COL1A2: variants seen among roughly 807,000 people sequenced by gnomAD.
COL1A2 encodes the protein collagen alpha-2(I) chain.
Under a neutral mutation model 174.3 loss-of-function variants are expected in COL1A2, and 49 were observed. That is an observed-to-expected ratio of 0.28 (90% CI 0.22 to 0.36). COL1A2 has a LOEUF of 0.36. COL1A2 is among the 10% of genes least tolerant of loss of function. COL1A2 has a pLI of 1.00. For synonymous variants in COL1A2, 655 were observed against 606.6 expected (o/e 1.08, Z -1.17); for missense variants, 1,438 against 1,822.7 (o/e 0.79, Z 3.84).
intron 47 of COL1A2, 61 bp from the exon 48 acceptor site, chr7:94,427,127 G>A (rs1376132327): frequency 1.2e-6 from 2 of 1,610,404 alleles, no homozygotes; most frequent in Non-Finnish European, 1.7e-6. Flanking sequence ...GTGAGCCCCA[G>A]GCTGCTGCTC....
At chr7:94,395,137 A>G (rs1213659477) in intron 1 of COL1A2, 36 bp downstream of exon 1, 3 of 1,586,074 alleles carry the variant, frequency 1.9e-6, no homozygotes, top group Middle Eastern at 1.7e-4. Flanking sequence ...GAGACTGGGT[A>G]GAGAGGTTAG....
rs182265935 is a variant in COL1A2 at position 94,424,664 on chromosome 7, T to C, written c.2673+221T>C. 1.9e-4 allele frequency: 106 copies of C among 556,284 alleles called. 1 individual carries two copies. Among genetic ancestry groups the C allele is most frequent in the African/African-American group, 1.6e-3 (87 of 52,954 alleles). 34.5% of individuals were successfully genotyped at this position (556,284 alleles called of 1,614,324 possible). A position where few individuals can be genotyped will look rare whatever the true frequency, so the allele number is the denominator to read the frequency against. On this transcript the variant is annotated intron_variant, in intron 41 of 51. Transcript: ENST00000297268. ...AGCTTAAAATTATGCAGAATGATTT[T>C]TGTTCTTTCCACGCACTTAGGAATG...
intron 40 of COL1A2, chr7:94,424,131 G>C: frequency 1.8e-6 from 1 of 554,954 alleles, no homozygotes; most frequent in African/African-American, 1.9e-5. Flanking sequence ...TTGGTCTCAA[G>C]GATGAATCAG....
chr7:94,428,047 A>C (rs891896867), intron 49 of COL1A2, among the ~76,000 whole-genome samples, 162 bp downstream of exon 49: 2 of 152,136 alleles, frequency 1.3e-5, no homozygotes, highest in Non-Finnish European at 2.9e-5. Flanking sequence ...CCAGCACCCA[A>C]CCTCATTTCC....
chr7:94,402,620 A>C (rs763079667), intron 6 of COL1A2, among the ~76,000 whole-genome samples: 1 of 152,144 alleles, frequency 6.6e-6, no homozygotes, highest in Non-Finnish European at 1.5e-5. Flanking sequence ...GTATACTAGC[A>C]TATATGAAAT....
Position 94,397,740 on chromosome 7 carries a change from T to TC in COL1A2, c.71-8_71-7insC. The TC allele has an allele frequency of 1.5e-6, 2 of 1,301,072 alleles. No homozygotes were observed. Among genetic ancestry groups the TC allele is most frequent in the Non-Finnish European group, 1.1e-6 (1 of 906,044 alleles). The allele number at this position is 1,301,072 out of a possible 1,614,324, so 80.6% of individuals were successfully genotyped here. A position where few individuals can be genotyped will look rare whatever the true frequency, so the allele number is the denominator to read the frequency against. On this transcript the variant is annotated splice_polypyrimidine_tract_variant and splice_region_variant and intron_variant, in intron 1 of 51. Coordinates refer to ENST00000297268, the MANE Select transcript of COL1A2 (RefSeq NM_000089.4). The stretch of plus-strand genomic sequence containing the variant: ...TTGTTTCCTACTTTTTCTTTTTTTT[T>TC]TCTACAGCTTTACAAGAGGTGAGTA...
intron 41 of COL1A2, 139 bp from the exon 42 acceptor site, chr7:94,424,978 T>G (rs1020472561): frequency 2.7e-6 from 2 of 739,354 alleles, no homozygotes; most frequent in African/African-American, 3.5e-5. Flanking sequence ...ATGATACTTC[T>G]TACCATTGTG....
In COL1A2 at chr7:94,427,728, C is replaced by T. The variant is rs1274009584; in HGVS notation, c.3369C>T (p.Arg1123=). The stretch of plus-strand genomic sequence containing the variant: ...ACTTCTACAGGGCTGACCAGCCTCG[C>T]TCAGCACCTTCTCTCAGACCCAAGG... ...DGDFYRADQP[R]SAPSLRPKDY... Residue 1123 remains arginine (R), a synonymous_variant, in exon 49 of 52, where the codon CGC becomes CGT. Transcript: ENST00000297268. 9 of 1,614,098 alleles carry T rather than the reference C, an allele frequency of 5.6e-6. No homozygotes were observed. Among genetic ancestry groups the T allele is most frequent in the East Asian group, 2.2e-5 (1 of 44,864 alleles).
In COL1A2 at chr7:94,425,827, T is replaced by C. The variant is rs2115952533; in HGVS notation, c.2913T>C (p.Pro971=). 1 of 1,612,384 alleles carries C rather than the reference T, an allele frequency of 6.2e-7. No homozygotes were observed. Among genetic ancestry groups the C allele is most frequent in the Non-Finnish European group, 8.5e-7 (1 of 1,179,260 alleles). Residue 971 remains proline (P), a synonymous_variant, in exon 44 of 52, where the codon CCT becomes CCC. Coordinates refer to ENST00000297268, the MANE Select transcript of COL1A2 (RefSeq NM_000089.4). ...CTGGTCCTCATGGCCCCGTGGGTCC[T>C]GCTGGCAAACATGGAAACCGTGGTG... ...GAPGPHGPVG[P]AGKHGNRGET...
In COL1A2 at chr7:94,405,729, G is replaced by A. The variant is rs1391323696; in HGVS notation, c.540+3G>A. 1.2e-6 allele frequency: 2 copies of A among 1,611,896 alleles called. No individual in the cohort carries two copies. The highest frequency in any genetic ancestry group is 3.3e-5 in the Admixed American group (2 of 59,992). On this transcript the variant is annotated splice_donor_region_variant and intron_variant, in intron 11 of 51. Transcript: ENST00000297268. ...TTCCTGGCTTCAAAGGCATTAGGGT[G>A]AGCACATTCTTTACTCAGAAGAGAG... is the stretch of plus-strand genomic sequence containing the variant.
chr7:94,399,209 G>A, intron 4 of COL1A2, 125 bp downstream of exon 4: 1 of 803,666 alleles, frequency 1.2e-6, no homozygotes, highest in Non-Finnish European at 2.1e-6. Flanking sequence ...CCTTTAAACA[G>A]GTAATGCACT....
In COL1A2 at chr7:94,413,648, G is replaced by T. The variant is rs373917006; in HGVS notation, c.1558-42G>T. 8 of 1,591,412 alleles carry T rather than the reference G, an allele frequency of 5.0e-6. No individual in the cohort carries two copies. In the African/African-American group the frequency reaches 1.1e-4, roughly 21 times the overall value. On this transcript the variant is annotated intron_variant, in intron 26 of 51. Transcript: ENST00000297268. ...GGCTTTGAGACATCTTAAACTACCT[G>T]GCTTGCAGCTAACCATCAGCCTTTC...
In COL1A2 at chr7:94,423,610, T is replaced by C. The variant is rs1166569303; in HGVS notation, c.2565+492T>C. On this transcript the variant is annotated intron_variant, in intron 40 of 51. Transcript: ENST00000297268. ...TTTGTTTTTGTTTTTGTTTTTTTGT[T>C]TTGGGATGGAGTTCCCCTCTGTTGC... The C allele has an allele frequency of 3.4e-5, 6 of 177,920 alleles. No homozygotes were observed. In the East Asian group the frequency reaches 9.1e-4, roughly 27 times the overall value. The allele number at this position is 177,920 out of a possible 1,614,324, so 11.0% of individuals were successfully genotyped here.
intron 30 of COL1A2, among the ~76,000 whole-genome samples, chr7:94,415,541 C>T (rs1483944390): frequency 2.0e-5 from 3 of 152,056 alleles, no homozygotes; most frequent in Non-Finnish European, 2.9e-5. Context: ...AACTATGCTA[C>T]ATTTGTGACA....
chr7:94,414,783 A>C (rs776432317), intron 29 of COL1A2, among the ~76,000 whole-genome samples: 29 of 152,216 alleles, frequency 1.9e-4, no homozygotes, highest in Non-Finnish European at 1.2e-4. Context: ...CAACAGTAGG[A>C]CATATTAAGG....
Position 94,420,156 on chromosome 7 carries a change from A to G in COL1A2, c.2080-77A>G, listed in dbSNP as rs1792126438. ...CAACTACAGACTCTGTCTGTCCACCACTGTTCTCTCTCCCTCCCAGTTCTT... is the reference window on the plus strand; with the variant it reads ...CAACTACAGACTCTGTCTGTCCACCGCTGTTCTCTCTCCCTCCCAGTTCTT... On this transcript the variant is annotated intron_variant, in intron 34 of 51. Transcript: ENST00000297268. The G allele has an allele frequency of 1.9e-6, 3 of 1,584,994 alleles. No homozygotes were observed. The Admixed American group carries it at 5.0e-5, about 26-fold the overall frequency.
intron 4 of COL1A2, 25 bp from the exon 5 acceptor site, chr7:94,400,171 A>G (rs770491939): frequency 1.2e-6 from 2 of 1,610,684 alleles, no homozygotes; most frequent in Non-Finnish European, 1.7e-6. Flanking sequence ...GTCTAACCTG[A>G]CCTTACTCAC....
At chr7:94,397,517 T>C (rs1470140433) in intron 1 of COL1A2, among the ~76,000 whole-genome samples, 4 of 152,200 alleles carry the variant, frequency 2.6e-5, no homozygotes, top group African/African-American at 9.6e-5. Flanking sequence ...AATAATTTAA[T>C]TCAAAATACA....
chr7:94,421,770 TG>T, intron 38 of COL1A2, 128 bp from the exon 39 acceptor site: 2 of 671,898 alleles, frequency 3.0e-6, no homozygotes, highest in Non-Finnish European at 5.3e-6. Flanking sequence ...TATATGAAGC[TG>T]CCTACCTCCT....
Sources: allele counts gnomAD v4.1 joint callset (sites outside exome capture counted in the v4.1 genomes callset), GRCh38; gene constraint gnomAD v4.1.1; transcripts MANE v1.5; gene names NCBI Gene and HGNC (gene_info 2026-07-23, HGNC 2026-07-21).